SPAG16: variants seen among roughly 807,000 people sequenced by gnomAD.
The protein encoded by SPAG16 is sperm-associated antigen 16 protein.
SPAG16 carries 86 observed loss-of-function variants against 80.4 expected under a neutral mutation model. That is an observed-to-expected ratio of 1.07 (90% CI 0.90 to 1.28). SPAG16 has a LOEUF of 1.28. Among genes scored for constraint, SPAG16 ranks in the 50% most tolerant of loss-of-function variants. SPAG16 has a pLI of 0.00. For synonymous variants in SPAG16, 294 were observed against 265.9 expected (o/e 1.11, Z -1.03); for missense variants, 870 against 765.3 (o/e 1.14, Z -1.61).
chr2:213,704,256 TA>T (rs1213851053), intron 10 of SPAG16, among the ~76,000 whole-genome samples: 1 of 152,184 alleles, frequency 6.6e-6, no homozygotes, highest in Non-Finnish European at 1.5e-5. Flanking sequence ...GTGGGAATAA[TA>T]AAAGTAATTT....
chr2:214,408,830 G>A (rs1340537328), intron 15 of SPAG16, among the ~76,000 whole-genome samples: 1 of 152,056 alleles, frequency 6.6e-6, no homozygotes, highest in African/African-American at 2.4e-5. Flanking sequence ...TCTATACCTA[G>A]GGTGTCATTA....
intron 6 of SPAG16, among the ~76,000 whole-genome samples, chr2:213,348,703 G>A (rs2065149613): frequency 6.6e-6 from 1 of 152,098 alleles, no homozygotes; most frequent in South Asian, 2.1e-4. Context: ...TTGAATATTG[G>A]CCCCCACTCT....
intron 9 of SPAG16, among the ~76,000 whole-genome samples, chr2:213,412,264 T>A (rs1158458355): frequency 6.6e-5 from 10 of 152,156 alleles, no homozygotes; most frequent in Admixed American, 6.5e-4. Context: ...TCGGAATTAG[T>A]TTAACCTGTG....
At chr2:214,264,282 C>T (rs2125878692) in intron 15 of SPAG16, among the ~76,000 whole-genome samples, 1 of 152,246 alleles carries the variant, frequency 6.6e-6, no homozygotes, top group East Asian at 1.9e-4. Context: ...TCTGTGGACT[C>T]TAAGTGCTGT....
rs72939092 is a variant in SPAG16 at position 213,422,259 on chromosome 2, C to T, written c.942+47140C>T. 1,321 of 702,144 alleles carry T rather than the reference C, an allele frequency of 1.9e-3. 2 individuals carry two copies. The highest frequency in any genetic ancestry group is 3.0e-3 in the Non-Finnish European group (1,170 of 385,048). The allele number at this position is 702,144 out of a possible 1,614,324, so 43.5% of individuals were successfully genotyped here. On this transcript the variant is annotated intron_variant, in intron 9 of 15. Transcript: ENST00000331683. ...TTTCAGATGTTTCCAAGCATCCAGA[C>T]GCCACTGAATTCTCATCCAGATTTG...
At position 213,375,869 on chromosome 2, in the gene SPAG16, A is replaced by G. The variant is rs574018150; in HGVS notation, c.942+750A>G. ...TTCAAATAATAGCATTTACTTAGGT[A>G]ATGCCAATAATTTTTTTTCTCTCTA... On this transcript the variant is annotated intron_variant, in intron 9 of 15. Transcript: ENST00000331683. Among the ~76,000 whole-genome samples the G allele has an allele frequency of 3.4e-4, 51 of 151,674 alleles. No homozygotes were observed. The East Asian group carries it at 8.5e-3, about 25-fold the overall frequency.
chr2:213,349,535 T>A (rs1393890481), intron 6 of SPAG16, among the ~76,000 whole-genome samples: 1 of 152,168 alleles, frequency 6.6e-6, no homozygotes, highest in African/African-American at 2.4e-5. Context: ...ATTAAACTCC[T>A]GGGTGTTTAT....
At chr2:213,387,008 G>A (rs951387026) in intron 9 of SPAG16, among the ~76,000 whole-genome samples, 1 of 152,136 alleles carries the variant, frequency 6.6e-6, no homozygotes. Context: ...GATTATACAT[G>A]TGAAACTTTC....
rs544772033 is a variant in SPAG16, at chr2:214,022,741, G to C, written c.1527+8664G>C. 5.2e-4 allele frequency among the ~76,000 whole-genome samples: 79 copies of C among 151,846 alleles called. 2 individuals are homozygous for C. The highest frequency in any genetic ancestry group is 4.1e-3 in the South Asian group (20 of 4,822). On this transcript the variant is annotated intron_variant, in intron 13 of 15. Coordinates refer to ENST00000331683, the MANE Select transcript of SPAG16 (RefSeq NM_024532.5). ...AAAAAAAAGAATCTGTCTTACCATG[G>C]TGTTTCTTCTAACTCAAGAACTTGT...
At chr2:213,422,733 G>A (rs575259936) in intron 9 of SPAG16, among the ~76,000 whole-genome samples, 2 of 152,326 alleles carry the variant, frequency 1.3e-5, no homozygotes, top group East Asian at 3.9e-4. Flanking sequence ...ATTCTTGTAG[G>A]CTGTGTAATT....
intron 13 of SPAG16, among the ~76,000 whole-genome samples, chr2:214,063,519 C>G (rs931158629): frequency 6.6e-6 from 1 of 152,134 alleles, no homozygotes; most frequent in Admixed American, 6.5e-5. Flanking sequence ...TACTAGTTCC[C>G]TCCAGCTTTT....
chr2:213,445,818 C>T (rs1297044749), intron 9 of SPAG16, among the ~76,000 whole-genome samples: 2 of 152,062 alleles, frequency 1.3e-5, no homozygotes, highest in Non-Finnish European at 2.9e-5. Flanking sequence ...GGCAAGGAGG[C>T]AGAGAAACTG....
chr2:213,712,327 G>A (rs1232272957), intron 10 of SPAG16, among the ~76,000 whole-genome samples: 1 of 152,048 alleles, frequency 6.6e-6, no homozygotes, highest in Non-Finnish European at 1.5e-5. Context: ...TAATATATCA[G>A]CAAGATAGAC....
rs537087185 is a variant in SPAG16 at position 214,008,440 on chromosome 2, T to TA, written c.1401-5500dup. 9.5e-3 allele frequency among the ~76,000 whole-genome samples: 1,415 copies of TA among 149,188 alleles called. 20 individuals carry two copies. Among genetic ancestry groups the TA allele is most frequent in the African/African-American group, 0.031 (1,268 of 40,924 alleles). On this transcript the variant is annotated intron_variant, in intron 12 of 15. Coordinates refer to ENST00000331683, the MANE Select transcript of SPAG16 (RefSeq NM_024532.5). ...TCCACTTATGTACATATGTAGCATT[T>TA]AAAAAAAAAAATTACATGCTGGGGC... is the stretch of plus-strand genomic sequence containing the variant.
intron 15 of SPAG16, among the ~76,000 whole-genome samples, chr2:214,196,489 A>G (rs1390990542): frequency 6.6e-6 from 1 of 152,108 alleles, no homozygotes; most frequent in Non-Finnish European, 1.5e-5. Context: ...GGCAACTATC[A>G]TTGCTAAATT....
chr2:214,066,227 A>G (rs1367478554), intron 13 of SPAG16, among the ~76,000 whole-genome samples: 1 of 152,098 alleles, frequency 6.6e-6, no homozygotes, highest in Non-Finnish European at 1.5e-5. Flanking sequence ...TTCCTGGCTC[A>G]CCTTCCCACA....
rs184252730 is a variant in SPAG16 at position 213,685,802 on chromosome 2, T to C, written c.1071-176683T>C. On this transcript the variant is annotated intron_variant, in intron 10 of 15. Transcript: ENST00000331683. ...TAGTAATGGTTATAGAGAGAAATCA[T>C]TGGAAATAGGGAAGTGAATAAAAAA... 4.1e-4 allele frequency among the ~76,000 whole-genome samples: 62 copies of C among 152,242 alleles called. No homozygotes were observed. The South Asian group carries it at 8.9e-3, about 22-fold the overall frequency.
chr2:214,228,563 G>T (rs940888539), intron 15 of SPAG16, among the ~76,000 whole-genome samples: 1 of 151,772 alleles, frequency 6.6e-6, no homozygotes, highest in African/African-American at 2.4e-5. Context: ...AATAACAGTA[G>T]ACTATATCAA....
At chr2:213,944,484 C>T (rs1021033040) in intron 12 of SPAG16, among the ~76,000 whole-genome samples, 6 of 152,112 alleles carry the variant, frequency 3.9e-5, no homozygotes, top group African/African-American at 7.2e-5. Context: ...CATAACTTAA[C>T]GGGTTTCACA....
Sources: allele counts gnomAD v4.1 joint callset (sites outside exome capture counted in the v4.1 genomes callset), GRCh38; gene constraint gnomAD v4.1.1; transcripts MANE v1.5; gene names NCBI Gene and HGNC (gene_info 2026-07-23, HGNC 2026-07-21).